The following ACSBG1 variants were observed in gnomAD, a reference collection of about 807,000 sequenced individuals.
The protein encoded by ACSBG1 is acyl-CoA synthetase bubblegum family member 1.
ACSBG1 carries 39 observed loss-of-function variants against 80.2 expected under a neutral mutation model. The ratio of observed to expected loss-of-function variants is 0.49; its 90% CI spans 0.38 to 0.64. The LOEUF is 0.64. Ranked by LOEUF, ACSBG1 falls within the 30% of genes least tolerant of loss-of-function variation. The pLI is 0.00. For missense variants in ACSBG1, 828 were observed against 966.4 expected (o/e 0.86, Z 1.90); for synonymous variants, 392 against 379.5 (o/e 1.03, Z -0.38).
At chr15:78,175,889 T>A (rs2074877074) in intron 11 of ACSBG1, among the ~76,000 whole-genome samples, 1 of 152,098 alleles carries the variant, frequency 6.6e-6, no homozygotes, top group Admixed American at 6.6e-5. Flanking sequence ...TGCCTCATCA[T>A]TGCTACCTCA....
At chr15:78,234,273 C>A in intron 1 of ACSBG1, 98 bp downstream of exon 1, 1 of 1,498,754 alleles carries the variant, frequency 6.7e-7, no homozygotes, top group Non-Finnish European at 9.0e-7. Flanking sequence ...GAAACTGAGG[C>A]TCAGAGAGAG....
chr15:78,211,938 C>T (rs1399369220), intron 1 of ACSBG1, among the ~76,000 whole-genome samples: 1 of 152,212 alleles, frequency 6.6e-6, no homozygotes, highest in Non-Finnish European at 1.5e-5. Flanking sequence ...CAGCTCTGTC[C>T]TCTGGCCATG....
chr15:78,225,081 G>T (rs996361012), intron 1 of ACSBG1, among the ~76,000 whole-genome samples: 4 of 152,068 alleles, frequency 2.6e-5, no homozygotes, highest in Admixed American at 6.5e-5. Context: ...TATACTAACA[G>T]CAACTGACTA....
Position 78,170,886 on chromosome 15 carries a change from T to G in ACSBG1, c.*558A>C, listed in dbSNP as rs2074813073. On this transcript the variant is annotated 3_prime_UTR_variant, in exon 14 of 14. Coordinates refer to ENST00000258873, the MANE Select transcript of ACSBG1 (RefSeq NM_015162.5). ...AAGGTTTAATATTCAAATTATACATTAAATAGAATCAAACAGGCAGCAGCA... is the reference window on the plus strand; with the variant it reads ...AAGGTTTAATATTCAAATTATACATGAAATAGAATCAAACAGGCAGCAGCA... 6.5e-6 allele frequency: 1 copy of G among 153,156 alleles called. No homozygotes were observed. Among genetic ancestry groups the G allele is most frequent in the African/African-American group, 2.4e-5 (1 of 41,452 alleles). The allele number at this position is 153,156 out of a possible 1,614,324, so 9.5% of individuals were successfully genotyped here.
chr15:78,234,192 G>C (rs766478447), intron 1 of ACSBG1, among the ~76,000 whole-genome samples, 179 bp downstream of exon 1: 9 of 152,246 alleles, frequency 5.9e-5, no homozygotes, highest in African/African-American at 2.2e-4. Flanking sequence ...GCCATGCTAA[G>C]TAGCCCTCCA....
At chr15:78,225,370 C>T (rs759380391) in intron 1 of ACSBG1, among the ~76,000 whole-genome samples, 9 of 151,256 alleles carry the variant, frequency 6.0e-5, no homozygotes, top group Non-Finnish European at 1.3e-4. Flanking sequence ...CATTGCACTA[C>T]AACCTGAGCA....
chr15:78,194,381 A>G, intron 3 of ACSBG1, 125 bp downstream of exon 3: 1 of 881,138 alleles, frequency 1.1e-6, no homozygotes. Context: ...GCACAATGAC[A>G]GCTTTTACAG....
At chr15:78,179,808 G>T in intron 9 of ACSBG1, 28 bp from the exon 10 acceptor site, 1 of 1,374,390 alleles carries the variant, frequency 7.3e-7, no homozygotes, top group Non-Finnish European at 1.0e-6. Context: ...ATGGTTCACA[G>T]AAGAAATCAC....
intron 1 of ACSBG1, among the ~76,000 whole-genome samples, chr15:78,208,340 T>C (rs1235896182): frequency 6.6e-6 from 1 of 151,990 alleles, no homozygotes; most frequent in Non-Finnish European, 1.5e-5. Context: ...CTCTAAGGGC[T>C]CAGGAGAAAG....
intron 1 of ACSBG1, among the ~76,000 whole-genome samples, chr15:78,222,451 G>A (rs1595904467): frequency 6.6e-6 from 1 of 152,074 alleles, no homozygotes; most frequent in East Asian, 1.9e-4. Flanking sequence ...ATCACTTGAG[G>A]GCAGGAGTTC....
chr15:78,185,409 T>A (rs1018606621), intron 5 of ACSBG1, among the ~76,000 whole-genome samples: 4 of 152,114 alleles, frequency 2.6e-5, no homozygotes, highest in African/African-American at 9.7e-5. Flanking sequence ...GTCTTAGTGA[T>A]GAGGCTAAAT....
At chr15:78,207,499 ACT>A (rs1202895013) in intron 2 of ACSBG1, among the ~76,000 whole-genome samples, 1 of 152,048 alleles carries the variant, frequency 6.6e-6, no homozygotes, top group Non-Finnish European at 1.5e-5. Context: ...AGAGTAAATA[ACT>A]CTGCCTTCCT....
At chr15:78,231,047 G>A (rs1008547530) in intron 1 of ACSBG1, among the ~76,000 whole-genome samples, 2 of 152,130 alleles carry the variant, frequency 1.3e-5, no homozygotes, top group African/African-American at 2.4e-5. Context: ...TTGACCTCCC[G>A]GGCTCAATTG....
At chr15:78,225,854 T>C (rs79606417) in intron 1 of ACSBG1, among the ~76,000 whole-genome samples, 4,411 of 152,304 alleles carry the variant, frequency 0.029, 230 homozygotes, top group African/African-American at 0.1. Context: ...AAGTGTCTCA[T>C]AGGGTTACTG....
rs57877790 is a variant in ACSBG1 at position 78,219,987 on chromosome 15, AAAAC to A, written c.132-11889_132-11886del. On this transcript the variant is annotated intron_variant, in intron 1 of 13. Coordinates refer to ENST00000258873, the MANE Select transcript of ACSBG1 (RefSeq NM_015162.5). ...GCAACAGAGTGAGACTCCGTCTCAA[AAAAC>A]AAACAAACAAACAAAAAATTCAAGA... Among the ~76,000 whole-genome samples the A allele has an allele frequency of 7.9e-5, 12 of 152,118 alleles. No homozygotes were observed. In the East Asian group the frequency reaches 1.3e-3, roughly 17 times the overall value.
chr15:78,182,107 G>A lies in ACSBG1; in HGVS notation c.933C>T (p.Asp311=), dbSNP rs200662328. ...WTARYGSQAG[D]IRPAEVQQEV... ...CCTGCTGGACTTCTGCCGGCCGGAT[G>A]TCACCGGCCTGGCTGCCGTACCGTG... The change falls in exon 8 of 14, where the codon GAC becomes GAT. Residue 311 remains aspartate (D), a synonymous_variant. Coordinates refer to ENST00000258873, the MANE Select transcript of ACSBG1 (RefSeq NM_015162.5). 294 of 1,612,008 alleles carry A rather than the reference G, an allele frequency of 1.8e-4. No homozygotes were observed. Among genetic ancestry groups the A allele is most frequent in the Non-Finnish European group, 2.3e-4 (276 of 1,179,994 alleles).
rs991185235 is a variant in ACSBG1, at chr15:78,193,605, G to A, written c.564C>T (p.Tyr188=). ...GGCAGGCCTCTGGGGAGCTGGTGGT[G>A]TAGATGCCAGTGACGATGCCACTGT... is the stretch of plus-strand genomic sequence containing the variant. The part of the protein sequence containing the change: ...VFAGGIVTGI[Y]TTSSPEACQY... The change falls in exon 5 of 14, where the codon TAC becomes TAT. Residue 188 remains tyrosine (Y), a synonymous_variant. Coordinates refer to ENST00000258873, the MANE Select transcript of ACSBG1 (RefSeq NM_015162.5). 1.9e-6 allele frequency: 3 copies of A among 1,613,566 alleles called. No individual in the cohort carries two copies. The highest frequency in any genetic ancestry group is 1.3e-5 in the African/African-American group (1 of 74,914).
At chr15:78,193,380 T>G in intron 5 of ACSBG1, 126 bp downstream of exon 5, 1 of 1,393,896 alleles carries the variant, frequency 7.2e-7, no homozygotes, top group Non-Finnish European at 9.7e-7. Context: ...TGTGTATGCA[T>G]TAGAGGGTTG....
intron 1 of ACSBG1, among the ~76,000 whole-genome samples, chr15:78,212,891 G>T (rs141124513): frequency 6.6e-6 from 1 of 152,282 alleles, no homozygotes; most frequent in East Asian, 1.9e-4. Context: ...AGAATGCCTC[G>T]CAGGAGGTGG....
Sources: gnomAD v4.1 joint callset for allele counts (sites outside exome capture counted in the v4.1 genomes callset) on GRCh38, gnomAD v4.1.1 for gene constraint, MANE v1.5 for transcripts, NCBI Gene and HGNC (gene_info 2026-07-23, HGNC 2026-07-21) for gene names.